DYNC1I1: variants seen among roughly 807,000 people sequenced by gnomAD.
DYNC1I1 encodes the protein dynein cytoplasmic 1 intermediate chain 1, also known as cytoplasmic dynein 1 intermediate chain 1.
In DYNC1I1, 43 loss-of-function variants were observed where a neutral mutation model predicts 86.6. The observed-to-expected ratio is 0.50, with a 90% confidence interval of 0.39 to 0.64. DYNC1I1 has a LOEUF of 0.64. DYNC1I1 is among the 30% of genes least tolerant of loss of function. The pLI is 0.00. For missense variants in DYNC1I1, 604 were observed against 788.8 expected, an observed-to-expected ratio of 0.77 and a Z score of 2.81; for synonymous variants, 262 against 283.7, an observed-to-expected ratio of 0.92 and a Z score of 0.77.
intron 6 of DYNC1I1, among the ~76,000 whole-genome samples, chr7:95,921,633 C>T (rs1453900632): frequency 6.6e-6 from 1 of 152,158 alleles, no homozygotes; most frequent in Non-Finnish European, 1.5e-5. Flanking sequence ...TGCACACACC[C>T]TGGTCACCTT....
chr7:96,097,540 C>G lies in DYNC1I1; in HGVS notation c.1834C>G (p.Arg612Gly). The G allele has an allele frequency of 6.2e-7, 1 of 1,613,772 alleles. No homozygotes were observed. The highest frequency in any genetic ancestry group is 8.5e-7 in the Non-Finnish European group (1 of 1,179,760). The stretch of plus-strand genomic sequence containing the variant: ...ATTTGCCAGGACCCTTGTGGAAATT[C>G]GTGCTAACAGAGCTGATAGCGAGGA... ...TRFARTLVEIRANRADSEEEG... is the reference protein window; with the variant it reads ...TRFARTLVEIGANRADSEEEG... The change falls in exon 17 of 17, where the codon CGT (arginine) becomes GGT (glycine). Residue 612 changes from arginine (R) to glycine (G), a missense_variant. Arg to Gly is a moderately radical substitution (Grantham distance 125). Coordinates refer to ENST00000447467, the MANE Select transcript of DYNC1I1 (RefSeq NM_001135556.2).
rs762197282 is a variant in DYNC1I1, at chr7:96,076,219, C to T, written c.1650+22C>T. 34 of 1,612,414 alleles carry T rather than the reference C, an allele frequency of 2.1e-5. 1 individual carries two copies. The South Asian group carries it at 3.3e-4, about 16-fold the overall frequency. On this transcript the variant is annotated intron_variant, in intron 15 of 16. Transcript: ENST00000447467. ...CGAGGTGAGCGGCGGCTCAGGCGCC[C>T]GGGCCGGAGGGCTGGGAGGGGGGCG...
chr7:96,105,223 T>C (rs1791198106), intron 16 of DYNC1I1, among the ~76,000 whole-genome samples: 2 of 152,038 alleles, frequency 1.3e-5, no homozygotes, highest in African/African-American at 4.8e-5. Flanking sequence ...TTTTTAGATA[T>C]AATTGCTTAC....
chr7:96,003,921 T>C (rs1263094734), intron 10 of DYNC1I1, among the ~76,000 whole-genome samples: 1 of 152,218 alleles, frequency 6.6e-6, no homozygotes, highest in Non-Finnish European at 1.5e-5. Flanking sequence ...GTCTTTAAGT[T>C]GCCTAATATT....
intron 6 of DYNC1I1, among the ~76,000 whole-genome samples, chr7:95,894,981 G>A (rs944246954): frequency 5.9e-5 from 9 of 152,136 alleles, no homozygotes; most frequent in Admixed American, 4.6e-4. Context: ...GACCAATGCC[G>A]GCTGCAGGCA....
At chr7:95,814,658 GT>G (rs921780462) in intron 4 of DYNC1I1, among the ~76,000 whole-genome samples, 6 of 152,028 alleles carry the variant, frequency 3.9e-5, no homozygotes, top group East Asian at 1.9e-4. Context: ...GAGCTGTAGG[GT>G]TTTTTTGCTT....
intron 5 of DYNC1I1, among the ~76,000 whole-genome samples, chr7:95,846,759 A>C (rs138047124): frequency 6.6e-6 from 1 of 152,110 alleles, no homozygotes; most frequent in East Asian, 1.9e-4. Flanking sequence ...CAACTCTCTA[A>C]GAATCAGTCC....
At chr7:95,780,375 C>T (rs534418607) in intron 1 of DYNC1I1, among the ~76,000 whole-genome samples, 105 of 151,672 alleles carry the variant, frequency 6.9e-4, no homozygotes, top group Middle Eastern at 3.5e-3. Flanking sequence ...TCATGCTATT[C>T]TCCTGCCTCA....
intron 6 of DYNC1I1, among the ~76,000 whole-genome samples, chr7:95,879,166 A>G (rs1401911137): frequency 6.6e-6 from 1 of 152,232 alleles, no homozygotes; most frequent in Non-Finnish European, 1.5e-5. Context: ...GAGCACAAGT[A>G]GAGGTAGCTA....
intron 16 of DYNC1I1, among the ~76,000 whole-genome samples, chr7:96,082,284 A>T (rs1406382437): frequency 1.7e-5 from 1 of 59,904 alleles, no homozygotes; most frequent in Non-Finnish European, 3.4e-5. Context: ...AGAATGTTAA[A>T]AAAAAAAAAA....
chr7:95,970,720 T>C (rs1025913575), intron 6 of DYNC1I1, among the ~76,000 whole-genome samples: 11 of 152,226 alleles, frequency 7.2e-5, no homozygotes, highest in Non-Finnish European at 1.2e-4. Context: ...TACCAGTCTC[T>C]GTACTTAACG....
intron 6 of DYNC1I1, among the ~76,000 whole-genome samples, chr7:95,914,933 A>C (rs1230133892): frequency 6.6e-6 from 1 of 152,182 alleles, no homozygotes; most frequent in African/African-American, 2.4e-5. Flanking sequence ...AAATGGAATC[A>C]CTTGTTTGCT....
At chr7:95,802,119 C>G (rs529872403) in intron 1 of DYNC1I1, among the ~76,000 whole-genome samples, 8 of 152,086 alleles carry the variant, frequency 5.3e-5, no homozygotes, top group Admixed American at 2.0e-4. Context: ...CTTCTCCCCC[C>G]ATCTGTAGTG....
At chr7:96,033,299 A>C (rs1315942830) in intron 12 of DYNC1I1, among the ~76,000 whole-genome samples, 1 of 152,174 alleles carries the variant, frequency 6.6e-6, no homozygotes, top group Non-Finnish European at 1.5e-5. Flanking sequence ...TGCTCAGTAA[A>C]TGAGAAGTCA....
intron 16 of DYNC1I1, among the ~76,000 whole-genome samples, chr7:96,089,888 C>T (rs1790790546): frequency 6.6e-6 from 1 of 152,054 alleles, no homozygotes; most frequent in Admixed American, 6.5e-5. Context: ...ATTAGAAAAC[C>T]TATAGTTAAT....
At chr7:96,101,334 C>T (rs1791133111), downstream of DYNC1I1, among the ~76,000 whole-genome samples, 1 of 152,162 alleles carries the variant, frequency 6.6e-6, no homozygotes, top group African/African-American at 2.4e-5. Flanking sequence ...TAAAAAGCCA[C>T]ATACCTCTGC....
chr7:95,943,420 A>G lies in DYNC1I1; in HGVS notation c.491-34092A>G, dbSNP rs545173416. Among the ~76,000 whole-genome samples the G allele has an allele frequency of 7.1e-3, 1,078 of 151,886 alleles. 10 individuals carry two copies. The highest frequency in any genetic ancestry group is 0.025 in the African/African-American group (1,029 of 41,430). The stretch of plus-strand genomic sequence containing the variant: ...CATTCCATGCTCATGGGTAGGAGGA[A>G]TCAATATCGTGAAAATGGCCATACT... On this transcript the variant is annotated intron_variant, in intron 6 of 16. Coordinates refer to ENST00000447467, the MANE Select transcript of DYNC1I1 (RefSeq NM_001135556.2).
intron 10 of DYNC1I1, among the ~76,000 whole-genome samples, chr7:96,027,128 C>A (rs1169606559): frequency 6.6e-6 from 1 of 152,176 alleles, no homozygotes; most frequent in African/African-American, 2.4e-5. Context: ...CCCATCTGTT[C>A]ATCTGCATCC....
intron 14 of DYNC1I1, 82 bp downstream of exon 14, chr7:96,039,503 A>G: frequency 6.3e-7 from 1 of 1,583,028 alleles, no homozygotes; most frequent in Non-Finnish European, 8.6e-7. Flanking sequence ...AGTTGTCCCT[A>G]AAGCCTCTTC....
Sources: gnomAD v4.1 joint callset for allele counts (sites outside exome capture counted in the v4.1 genomes callset) on GRCh38, gnomAD v4.1.1 for gene constraint, MANE v1.5 for transcripts, NCBI Gene and HGNC (gene_info 2026-07-23, HGNC 2026-07-21) for gene names.